Variants in PAF1 observed in about 807,000 individuals in gnomAD.
PAF1 encodes the protein RNA polymerase II-associated factor 1 homolog.
PAF1 carries 31 observed loss-of-function variants against 68.4 expected under a neutral mutation model. The observed-to-expected ratio is 0.45, with a 90% CI of 0.34 to 0.61. The LOEUF (loss-of-function observed/expected upper bound fraction) is 0.61. Ranked by LOEUF, PAF1 falls within the 20% of genes least tolerant of loss-of-function variation. PAF1 has a pLI of 0.01. For synonymous variants in PAF1, 256 were observed against 240.5 expected (o/e 1.06, Z -0.60); for missense variants, 435 against 692.9 (o/e 0.63, Z 4.18).
Position 39,388,773 on chromosome 19 carries a change from C to A in PAF1, c.729G>T (p.Gln243His). ...GCAGGACCACCTACCTAATCATGGC[C>A]TGAGACATCATCTCCAACGCAGCTG... ...SGAAALEMMSQAMIRGMMDEE... is the reference protein window; with the variant it reads ...SGAAALEMMSHAMIRGMMDEE... The change falls in exon 9 of 14, where the codon CAG becomes CAT. Residue 243 changes from glutamine to histidine, a missense_variant. Transcript: ENST00000221265. The A allele has an allele frequency of 6.2e-7, 1 of 1,614,032 alleles. No homozygotes were observed. The highest frequency in any genetic ancestry group is 8.5e-7 in the Non-Finnish European group (1 of 1,179,884).
intron 1 of PAF1, among the ~76,000 whole-genome samples, 156 bp downstream of exon 1, chr19:39,390,662 G>A (rs754148087): frequency 6.6e-6 from 1 of 152,168 alleles, no homozygotes; most frequent in African/African-American, 2.4e-5. Context: ...ACGGCGGGGA[G>A]GAGGGGAACA....
In PAF1 at chr19:39,386,431, C is replaced by A. The variant is rs755449248; in HGVS notation, c.1184-28G>T. On this transcript the variant is annotated intron_variant, in intron 13 of 13. Coordinates refer to ENST00000221265, the MANE Select transcript of PAF1 (RefSeq NM_019088.4). The surrounding 1 kb of genome is among the most constrained non-coding windows in gnomAD (Gnocchi z 6.1). ...GGAAGGGAGTGGAGAGAGATGAAAC[C>A]CACTTTTCCACCCTCCCAGGGCTCC... 3 of 1,613,948 alleles carry A rather than the reference C, an allele frequency of 1.9e-6. No homozygotes were observed. The African/African-American group carries it at 4.0e-5, about 22-fold the overall frequency.
intron 1 of PAF1, 41 bp downstream of exon 1, chr19:39,390,777 C>T (rs768884923): frequency 3.3e-5 from 52 of 1,553,340 alleles, no homozygotes; most frequent in Non-Finnish European, 4.4e-5. Context: ...AACCCTCTCC[C>T]GATCCCCCGC....
chr19:39,388,191 C>G lies in PAF1; in HGVS notation c.986+148G>C, dbSNP rs1204709869. The G allele has an allele frequency of 1.3e-3, 950 of 757,968 alleles. 16 individuals carry two copies. In the South Asian group the frequency reaches 0.016, roughly 13 times the overall value. 47.0% of individuals were successfully genotyped at this position (757,968 alleles called of 1,614,324 possible). A position where few individuals can be genotyped will look rare whatever the true frequency, so the allele number is the denominator to read the frequency against. On this transcript the variant is annotated intron_variant, in intron 11 of 13. Coordinates refer to ENST00000221265, the MANE Select transcript of PAF1 (RefSeq NM_019088.4). ...CCTCCTGTTAGAACCAAGTCCAGCT[C>G]ATGTGCATGACCAGACATCTGCTGC...
At chr19:39,390,776 C>A in intron 1 of PAF1, 42 bp downstream of exon 1, 1 of 1,552,438 alleles carries the variant, frequency 6.4e-7, no homozygotes, top group East Asian at 2.4e-5. Flanking sequence ...AAACCCTCTC[C>A]CGATCCCCCG....
In PAF1 at chr19:39,390,155, T is replaced by G. The variant is rs748604084; in HGVS notation, c.84A>C (p.Gly28=). The change falls in exon 3 of 14, where the codon GGA becomes GGC. Residue 28 remains glycine, a synonymous_variant. Coordinates refer to ENST00000221265, the MANE Select transcript of PAF1 (RefSeq NM_019088.4). ...TGCAGTACTTGACTCGGCAGACCAC[T>G]CCAGACCTAGGAACATTAGTGGCTC... ...NSHRTLPERS[G]VVCRVKYCNS... The G allele has an allele frequency of 6.2e-7, 1 of 1,613,878 alleles. No homozygotes were observed. The highest frequency in any genetic ancestry group is 1.3e-5 in the African/African-American group (1 of 75,018).
At chr19:39,390,607 G>A (rs765431429) in intron 1 of PAF1, among the ~76,000 whole-genome samples, 1 of 152,132 alleles carries the variant, frequency 6.6e-6, no homozygotes, top group African/African-American at 2.4e-5. Context: ...TGACTGGAGG[G>A]ATCCCTTCTG....
Position 39,386,825 on chromosome 19 carries a change from G to C in PAF1, c.987-26C>G, listed in dbSNP as rs1321303586. The C allele has an allele frequency of 1.3e-6, 2 of 1,509,136 alleles. No homozygotes were observed. Among genetic ancestry groups the C allele is most frequent in the African/African-American group, 1.4e-5 (1 of 72,866 alleles). 93.5% of individuals were successfully genotyped at this position (1,509,136 alleles called of 1,614,324 possible). A position where few individuals can be genotyped will look rare whatever the true frequency, so the allele number is the denominator to read the frequency against. ...CTGCAGGGGGTGAATTTGGGAGAGA[G>C]AAGTGGAAGATGCAGTTAAAGACAC... On this transcript the variant is annotated intron_variant, in intron 11 of 13. Transcript: ENST00000221265. This position sits in a 1 kb window ranked among gnomAD's most constrained non-coding sequence, Gnocchi z 6.1.
chr19:39,389,082 C>A lies in PAF1; in HGVS notation c.567+11G>T, dbSNP rs763721654. Reference sequence around the variant, plus strand: ...CACCCTTGCCTCTCCCCATCCCAGTCCCTCAATTACTGATTTCTGGGCATC... The same window carrying A: ...CACCCTTGCCTCTCCCCATCCCAGTACCTCAATTACTGATTTCTGGGCATC... On this transcript the variant is annotated intron_variant, in intron 7 of 13. Coordinates refer to ENST00000221265, the MANE Select transcript of PAF1 (RefSeq NM_019088.4). The surrounding 1 kb of genome is among the most constrained non-coding windows in gnomAD (Gnocchi z 5.3). 17 of 1,612,046 alleles carry A rather than the reference C, an allele frequency of 1.1e-5. No individual in the cohort carries two copies. Among genetic ancestry groups the A allele is most frequent in the Non-Finnish European group, 1.4e-5 (17 of 1,178,100 alleles).
intron 1 of PAF1, 63 bp from the exon 2 acceptor site, chr19:39,390,352 G>A (rs1484335109): frequency 6.7e-7 from 1 of 1,500,770 alleles, no homozygotes; most frequent in Non-Finnish European, 9.1e-7. Flanking sequence ...GAATGAAAAA[G>A]GCTTCCCCAA....
rs1265010482 is a variant in PAF1 at position 39,388,540 on chromosome 19, C to CTT, written c.857+18_857+19dup. 4.3e-6 allele frequency: 7 copies of CTT among 1,613,940 alleles called. No individual in the cohort carries two copies. The highest frequency in any genetic ancestry group is 5.9e-6 in the Non-Finnish European group (7 of 1,179,948). On this transcript the variant is annotated intron_variant, in intron 10 of 13. Transcript: ENST00000221265. The stretch of plus-strand genomic sequence containing the variant: ...CCCCAAAACTTCCCAATCCCCAAAA[C>CTT]TTAACCGCAACCCACGCACACATCA...
At chr19:39,390,711 T>G (rs2078361330) in intron 1 of PAF1, 107 bp downstream of exon 1, 1 of 1,195,278 alleles carries the variant, frequency 8.4e-7, no homozygotes, top group Non-Finnish European at 1.2e-6. Flanking sequence ...TCGTCAAAGG[T>G]GAGCGCTTCA....
intron 2 of PAF1, 44 bp downstream of exon 2, chr19:39,390,216 G>A (rs45613331): frequency 0.017 from 27,678 of 1,612,680 alleles, 279 homozygotes; most frequent in Non-Finnish European, 0.02. Flanking sequence ...TCTGCTCCCA[G>A]CCCCACTGCC....
chr19:39,388,444 T>C lies in PAF1; in HGVS notation c.881A>G (p.Glu294Gly). Residue 294 changes from glutamate (E) to glycine (G), a missense_variant, in exon 11 of 14, where the codon GAG becomes GGG. By Grantham distance (98) the Glu-to-Gly change is moderately conservative (BLOSUM62 -2). Transcript: ENST00000221265. Reference protein sequence around the residue: ...DDVYDYKIAREYNWNVKNKAS... With the variant: ...DDVYDYKIARGYNWNVKNKAS... ...TTTGTTCTTCACGTTCCAGTTGTAC[T>C]CCCGAGCAATTTTGTAGTCATACCT... 2 of 1,614,172 alleles carry C rather than the reference T, an allele frequency of 1.2e-6. No individual in the cohort carries two copies. Among genetic ancestry groups the C allele is most frequent in the Non-Finnish European group, 1.7e-6 (2 of 1,180,010 alleles).
Position 39,389,966 on chromosome 19 carries a change from T to A in PAF1, c.170+103A>T. 2 of 1,074,134 alleles carry A rather than the reference T, an allele frequency of 1.9e-6. No homozygotes were observed. The highest frequency in any genetic ancestry group is 2.7e-5 in the South Asian group (2 of 75,296). The allele number at this position is 1,074,134 out of a possible 1,614,324, so 66.5% of individuals were successfully genotyped here. On this transcript the variant is annotated intron_variant, in intron 3 of 13. Coordinates refer to ENST00000221265, the MANE Select transcript of PAF1 (RefSeq NM_019088.4). This position sits in a 1 kb window ranked among gnomAD's most constrained non-coding sequence, Gnocchi z 5.3. ...GAGCAGCTACTACTATGTGCTAGGGTAGGTACTGTGCTAGGCCCTGAGCAG... is the reference window on the plus strand; with the variant it reads ...GAGCAGCTACTACTATGTGCTAGGGAAGGTACTGTGCTAGGCCCTGAGCAG...
chr19:39,390,359 C>T, intron 1 of PAF1, 70 bp from the exon 2 acceptor site: 1 of 1,449,266 alleles, frequency 6.9e-7, no homozygotes, highest in Non-Finnish European at 9.4e-7. Context: ...AAAGGCTTCC[C>T]CAACCTTTCA....
Position 39,390,912 on chromosome 19 carries a change from G to T in PAF1, c.-48C>A. 2.6e-6 allele frequency: 4 copies of T among 1,549,112 alleles called. No homozygotes were observed. The highest frequency in any genetic ancestry group is 3.5e-6 in the Non-Finnish European group (4 of 1,144,002). ...GGACGGGGTCCTAGCGGGACCGAAGGGGGACGCAGAGGGGCGTGCCGACTT... is the reference window on the plus strand; with the variant it reads ...GGACGGGGTCCTAGCGGGACCGAAGTGGGACGCAGAGGGGCGTGCCGACTT... On this transcript the variant is annotated 5_prime_UTR_variant, in exon 1 of 14. Transcript: ENST00000221265.
At chr19:39,388,490 A>G in intron 10 of PAF1, 23 bp from the exon 11 acceptor site, 1 of 1,614,164 alleles carries the variant, frequency 6.2e-7, no homozygotes, top group Non-Finnish European at 8.5e-7. Flanking sequence ...GCACAGGTTC[A>G]GCCCCATTTC....
At position 39,390,776 on chromosome 19, in the gene PAF1, C is replaced by G. The variant is rs373348560; in HGVS notation, c.47+42G>C. On this transcript the variant is annotated intron_variant, in intron 1 of 13. Coordinates refer to ENST00000221265, the MANE Select transcript of PAF1 (RefSeq NM_019088.4). ...GACGTTGTTCAGCAGAAACCCTCTC[C>G]CGATCCCCCGCCTTGCTGCAACAGA... 22 of 1,552,320 alleles carry G rather than the reference C, an allele frequency of 1.4e-5. No individual in the cohort carries two copies. The African/African-American group carries it at 2.2e-4, about 15-fold the overall frequency.
Sources: gnomAD v4.1 joint callset for allele counts (sites outside exome capture counted in the v4.1 genomes callset) on GRCh38, gnomAD v4.1.1 for gene constraint, Gnocchi (gnomAD v3.1) non-coding constraint, MANE v1.5 for transcripts, NCBI Gene and HGNC (gene_info 2026-07-23, HGNC 2026-07-21) for gene names.